The following ITGB1 variants were observed in gnomAD, a reference collection of about 807,000 sequenced individuals.
ITGB1 encodes integrin beta-1.
In ITGB1, 24 loss-of-function variants were observed where a neutral mutation model predicts 86.5. That is an observed-to-expected ratio of 0.28 (90% CI 0.20 to 0.39). ITGB1 has a LOEUF of 0.39. Ranked by LOEUF, ITGB1 falls within the 10% of genes least tolerant of loss-of-function variation. ITGB1 has a pLI of 1.00. For missense variants in ITGB1, 556 were observed against 946.9 expected (o/e 0.59, Z 5.42); for synonymous variants, 323 against 316.8 (o/e 1.02, Z -0.21).
chr10:32,949,915 T>A (rs11009156), intron 1 of ITGB1, among the ~76,000 whole-genome samples: 16,457 of 152,164 alleles, frequency 0.11, 1,166 homozygotes, highest in South Asian at 0.29. Flanking sequence ...ATTAAACAAC[T>A]ACACTTTAGA....
chr10:32,947,000 C>A (rs113311641), intron 1 of ITGB1, among the ~76,000 whole-genome samples: 5 of 152,028 alleles, frequency 3.3e-5, no homozygotes, highest in African/African-American at 1.2e-4. Context: ...TGTGCCACCA[C>A]GGCTGGCTAA....
intron 1 of ITGB1, chr10:32,944,980 C>T: frequency 1.1e-6 from 1 of 947,770 alleles, no homozygotes; most frequent in Non-Finnish European, 1.7e-6. Flanking sequence ...CACAAAGAAG[C>T]CAGAAAGCTG....
At chr10:32,918,441 G>C (rs973157095) in intron 11 of ITGB1, among the ~76,000 whole-genome samples, 1 of 152,090 alleles carries the variant, frequency 6.6e-6, no homozygotes, top group Non-Finnish European at 1.5e-5. Flanking sequence ...ATCTCTTCAA[G>C]CTCCTAATCT....
At chr10:32,901,833 T>G (rs182607278) in intron 15 of ITGB1, among the ~76,000 whole-genome samples, 198 bp from the exon 16 acceptor site, 48 of 152,366 alleles carry the variant, frequency 3.2e-4, no homozygotes, top group African/African-American at 1.1e-3. Flanking sequence ...GCTTTACAAG[T>G]CTAATGATGC....
intron 10 of ITGB1, 27 bp from the exon 11 acceptor site, chr10:32,920,111 C>T (rs754080821): frequency 6.3e-7 from 1 of 1,588,198 alleles, no homozygotes; most frequent in Non-Finnish European, 8.6e-7. Flanking sequence ...AGATTAACAA[C>T]CAACTAAACA....
intron 4 of ITGB1, 55 bp downstream of exon 4, chr10:32,929,767 G>T: frequency 2.1e-6 from 2 of 967,438 alleles, no homozygotes; most frequent in Non-Finnish European, 3.4e-6. Context: ...GCATAAAGCT[G>T]GTGTCGAATG....
chr10:32,917,074 A>C (rs1412174488), intron 11 of ITGB1, among the ~76,000 whole-genome samples: 2 of 152,230 alleles, frequency 1.3e-5, no homozygotes, highest in Non-Finnish European at 2.9e-5. Flanking sequence ...CAAACCTGAC[A>C]AAAACAAGAA....
chr10:32,943,931 C>T (rs1033049487), intron 1 of ITGB1, among the ~76,000 whole-genome samples: 1 of 152,150 alleles, frequency 6.6e-6, no homozygotes, highest in Non-Finnish European at 1.5e-5. Context: ...TGAAAGTCAA[C>T]GGGGAAATGG....
rs148743888 is a variant in ITGB1 at position 32,928,136 on chromosome 10, G to C, written c.505C>G (p.Leu169Val). 6.2e-7 allele frequency: 1 copy of C among 1,600,998 alleles called. No individual in the cohort carries two copies. Among genetic ancestry groups the C allele is most frequent in the Non-Finnish European group, 8.6e-7 (1 of 1,168,672 alleles). Residue 169 changes from leucine (L) to valine (V), a missense_variant, in exon 5 of 16, where the codon CTG becomes GTG. Leu to Val is a conservative substitution (Grantham distance 32). Transcript: ENST00000302278. Reference protein sequence around the residue: ...LENVKSLGTDLMNEMRRITSD... With the variant: ...LENVKSLGTDVMNEMRRITSD... The stretch of plus-strand genomic sequence containing the variant: ...GTAATCCTCCTCATTTCATTCATCA[G>C]ATCTGTTCCAAGACTTTTTACATTC...
chr10:32,917,695 C>T (rs1207112925), intron 11 of ITGB1, among the ~76,000 whole-genome samples: 7 of 152,198 alleles, frequency 4.6e-5, no homozygotes, highest in African/African-American at 1.7e-4. Flanking sequence ...AGGAAAACAA[C>T]AGGTGCTGGA....
chr10:32,934,252 GT>G lies in ITGB1; in HGVS notation c.67+1239del, dbSNP rs138476695. ...CGGATCAAAAATGGGGGAAAAAAGT[GT>G]CTGTACTGAACATGTACATACTTTT... On this transcript the variant is annotated intron_variant, in intron 2 of 15. Transcript: ENST00000302278. Among the ~76,000 whole-genome samples, 1,162 of 152,234 alleles carry G rather than the reference GT, an allele frequency of 7.6e-3. 7 individuals are homozygous for G. The highest frequency in any genetic ancestry group is 0.02 in the Middle Eastern group (6 of 294).
rs531879881 is a variant in ITGB1, at chr10:32,901,324, C to A, written c.*246G>T. The A allele has an allele frequency of 3.1e-5, 12 of 393,224 alleles. No individual in the cohort carries two copies. Among genetic ancestry groups the A allele is most frequent in the African/African-American group, 2.4e-4 (11 of 46,410 alleles). 24.4% of individuals were successfully genotyped at this position (393,224 alleles called of 1,614,324 possible). A position where few individuals can be genotyped will look rare whatever the true frequency, so the allele number is the denominator to read the frequency against. ...TTTCAATAGTCCAGGAAGAAAAGGT[C>A]AAAAAGGCACAATGTGACCTTAGCT... On this transcript the variant is annotated 3_prime_UTR_variant, in exon 16 of 16. Transcript: ENST00000302278.
intron 1 of ITGB1, among the ~76,000 whole-genome samples, chr10:32,938,702 C>T (rs1407067397): frequency 3.3e-5 from 5 of 152,208 alleles, no homozygotes; most frequent in East Asian, 1.9e-4. Flanking sequence ...CAGATGTCAA[C>T]GATCCTGCGA....
intron 11 of ITGB1, among the ~76,000 whole-genome samples, chr10:32,912,764 A>C (rs1433108298): frequency 1.3e-5 from 2 of 152,236 alleles, no homozygotes; most frequent in Non-Finnish European, 1.5e-5. Flanking sequence ...AATCCAGCAG[A>C]AACTTCTGCA....
At position 32,925,874 on chromosome 10, in the gene ITGB1, A is replaced by G. The variant is rs2298141; in HGVS notation, c.783T>C (p.Cys261=). The change falls in exon 6 of 16, where the codon TGT becomes TGC. Residue 261 remains cysteine, a synonymous_variant. Transcript: ENST00000302278. ...GATAGGAAATGAATGCGCTTACTCC[A>G]CAAACTGCAACTTGCATGATGGCAT... The part of the protein sequence containing the change: ...GFDAIMQVAV[C]GSLIGWRNVT... The G allele has an allele frequency of 0.16, 255,393 of 1,592,456 alleles. 21,627 individuals carry two copies. The highest frequency in any genetic ancestry group is 0.25 in the East Asian group (11,164 of 44,768).
intron 11 of ITGB1, among the ~76,000 whole-genome samples, chr10:32,915,554 G>C (rs1459624950): frequency 1.3e-5 from 2 of 152,100 alleles, no homozygotes; most frequent in Non-Finnish European, 2.9e-5. Flanking sequence ...AAATTAACTG[G>C]AAAATCTAGA....
At chr10:32,955,060 C>A (rs548892908) in intron 1 of ITGB1, among the ~76,000 whole-genome samples, 1 of 152,180 alleles carries the variant, frequency 6.6e-6, no homozygotes, top group Non-Finnish European at 1.5e-5. Context: ...GACTGTACCC[C>A]CTTTAAGCTG....
chr10:32,911,856 T>C (rs1367337636), intron 12 of ITGB1, 30 bp downstream of exon 12: 1 of 1,568,276 alleles, frequency 6.4e-7, no homozygotes, highest in East Asian at 2.2e-5. Context: ...TGGGATCACA[T>C]CTTACAACCA....
intron 1 of ITGB1, among the ~76,000 whole-genome samples, chr10:32,946,676 C>G (rs757337066): frequency 7.5e-6 from 1 of 133,690 alleles, no homozygotes; most frequent in Non-Finnish European, 1.5e-5. Flanking sequence ...TTATTAATTG[C>G]CTTTAAAAAT....
Sources: allele counts gnomAD v4.1 joint callset (sites outside exome capture counted in the v4.1 genomes callset), GRCh38; gene constraint gnomAD v4.1.1; transcripts MANE v1.5; gene names NCBI Gene and HGNC (gene_info 2026-07-23, HGNC 2026-07-21).